The following SLC9A9 variants were observed in gnomAD, a reference collection of about 807,000 sequenced individuals.
The protein encoded by SLC9A9 is sodium/hydrogen exchanger 9.
SLC9A9 carries 62 observed loss-of-function variants against 77.8 expected under a neutral mutation model. The ratio of observed to expected loss-of-function variants is 0.80; its 90% CI spans 0.65 to 0.98. The LOEUF (loss-of-function observed/expected upper bound fraction) is 0.98, where lower values mean the gene tolerates loss of function less well. Ranked by LOEUF, SLC9A9 falls within the 50% of genes least tolerant of loss-of-function variation. The probability of loss-of-function intolerance (pLI) is 0.00; values close to 1 mark genes in which losing one functional copy is unlikely to be tolerated. For synonymous variants in SLC9A9, 320 were observed against 283.5 expected (o/e 1.13, Z -1.29); for missense variants, 775 against 774.9 (o/e 1.00, Z 0.00).
intron 8 of SLC9A9, among the ~76,000 whole-genome samples, chr3:143,567,917 T>C (rs1576581754): frequency 6.6e-6 from 1 of 152,202 alleles, no homozygotes; most frequent in African/African-American, 2.4e-5. Flanking sequence ...TATCCTAGCC[T>C]AGAGGCTGTG....
chr3:143,367,633 A>C (rs2032946945), intron 13 of SLC9A9, among the ~76,000 whole-genome samples: 1 of 152,176 alleles, frequency 6.6e-6, no homozygotes, highest in South Asian at 2.1e-4. Flanking sequence ...GGAACAGGGA[A>C]GGTATCTGAT....
At chr3:143,279,113 T>A (rs1317290374) in intron 14 of SLC9A9, among the ~76,000 whole-genome samples, 5 of 152,216 alleles carry the variant, frequency 3.3e-5, no homozygotes, top group African/African-American at 1.2e-4. Flanking sequence ...CCAAGTCAAT[T>A]TACTAATATA....
chr3:143,511,569 G>A (rs537788878), intron 9 of SLC9A9, among the ~76,000 whole-genome samples: 5 of 152,308 alleles, frequency 3.3e-5, no homozygotes, highest in Non-Finnish European at 5.9e-5. Flanking sequence ...ATTACAGCCC[G>A]TGTTAGGAGT....
intron 6 of SLC9A9, among the ~76,000 whole-genome samples, chr3:143,649,934 A>G (rs1313121780): frequency 2.0e-5 from 3 of 151,530 alleles, no homozygotes; most frequent in African/African-American, 4.8e-5. Flanking sequence ...GACACACTTC[A>G]AGTACATAGA....
intron 12 of SLC9A9, among the ~76,000 whole-genome samples, chr3:143,437,801 T>C (rs1163936994): frequency 1.3e-5 from 2 of 152,180 alleles, no homozygotes; most frequent in African/African-American, 4.8e-5. Flanking sequence ...ATAGCGCTTA[T>C]GAGTGTTCAT....
chr3:143,712,173 T>C (rs571997776), intron 4 of SLC9A9, among the ~76,000 whole-genome samples: 4 of 152,326 alleles, frequency 2.6e-5, no homozygotes, highest in Non-Finnish European at 4.4e-5. Flanking sequence ...TATTTACAGA[T>C]GGTTTCATGA....
intron 4 of SLC9A9, among the ~76,000 whole-genome samples, chr3:143,704,354 G>T (rs139975810): frequency 1.1e-4 from 16 of 152,090 alleles, no homozygotes; most frequent in Non-Finnish European, 2.2e-4. Flanking sequence ...ATTCAATAAC[G>T]CACTGAAAAC....
intron 14 of SLC9A9, among the ~76,000 whole-genome samples, chr3:143,270,965 G>GT (rs1210136210): frequency 2.0e-5 from 3 of 152,178 alleles, no homozygotes; most frequent in Admixed American, 6.5e-5. Flanking sequence ...TAATTCACAA[G>GT]TTTTAAATCG....
At chr3:143,642,419 T>C (rs2038639281) in intron 6 of SLC9A9, among the ~76,000 whole-genome samples, 1 of 152,228 alleles carries the variant, frequency 6.6e-6, no homozygotes, top group African/African-American at 2.4e-5. Context: ...CTCCTCTAGG[T>C]GGAGGCTTAA....
intron 9 of SLC9A9, among the ~76,000 whole-genome samples, chr3:143,529,040 C>T (rs528252467): frequency 1.7e-4 from 26 of 152,220 alleles, no homozygotes; most frequent in South Asian, 8.3e-4. Flanking sequence ...GGGACAGTGC[C>T]GGTGCCATGT....
At chr3:143,437,427 A>C (rs570464761) in intron 12 of SLC9A9, among the ~76,000 whole-genome samples, 146 of 152,344 alleles carry the variant, frequency 9.6e-4, no homozygotes, top group Non-Finnish European at 1.7e-3. Context: ...CAGGATGGCT[A>C]GAGGAAGTGG....
At chr3:143,675,940 A>G (rs1932869442) in intron 5 of SLC9A9, among the ~76,000 whole-genome samples, 1 of 152,090 alleles carries the variant, frequency 6.6e-6, no homozygotes. Context: ...CAATTTTACA[A>G]CGCAGTACAG....
intron 4 of SLC9A9, among the ~76,000 whole-genome samples, chr3:143,705,041 A>ATATATC (rs1553782495): frequency 1.7e-5 from 1 of 60,214 alleles, no homozygotes; most frequent in African/African-American, 6.9e-5. Flanking sequence ...CTATCTATCT[A>ATATATC]TATAGATATA....
chr3:143,745,496 C>T (rs539936616), intron 4 of SLC9A9, among the ~76,000 whole-genome samples: 1 of 152,204 alleles, frequency 6.6e-6, no homozygotes, highest in Non-Finnish European at 1.5e-5. Flanking sequence ...AAGAACAGAA[C>T]ACTAAAATCA....
At chr3:143,299,153 T>C (rs1400527287) in intron 14 of SLC9A9, among the ~76,000 whole-genome samples, 3 of 152,182 alleles carry the variant, frequency 2.0e-5, no homozygotes, top group Non-Finnish European at 1.5e-5. Context: ...GGAAAGAGCA[T>C]TTAAAATTTT....
At chr3:143,406,794 G>A (rs1239362360) in intron 12 of SLC9A9, among the ~76,000 whole-genome samples, 1 of 151,790 alleles carries the variant, frequency 6.6e-6, no homozygotes, top group Admixed American at 6.6e-5. Flanking sequence ...TGGCCAACAT[G>A]GCAAAACCCT....
intron 4 of SLC9A9, among the ~76,000 whole-genome samples, chr3:143,777,767 T>G (rs1408780172): frequency 6.7e-6 from 1 of 148,862 alleles, no homozygotes. Flanking sequence ...CAGGCTGGAG[T>G]GCAGTGGTGT....
Position 143,508,747 on chromosome 3 carries a change from C to T in SLC9A9, c.1090-13299G>A, listed in dbSNP as rs533955135. On this transcript the variant is annotated intron_variant, in intron 9 of 15. Transcript: ENST00000316549. The stretch of plus-strand genomic sequence containing the variant: ...CTAATTAAACTGATTTACTATTTAA[C>T]CTGACCAAATTCATTGCTCAACTTT... Among the ~76,000 whole-genome samples the T allele has an allele frequency of 1.5e-4, 23 of 152,268 alleles. No individual in the cohort carries two copies. The East Asian group carries it at 4.2e-3, about 28-fold the overall frequency.
intron 12 of SLC9A9, among the ~76,000 whole-genome samples, chr3:143,427,227 T>C (rs1170639589): frequency 6.6e-6 from 1 of 152,230 alleles, no homozygotes; most frequent in Non-Finnish European, 1.5e-5. Context: ...GGCAAAACTT[T>C]TGCTTGTGTA....
Sources: allele counts gnomAD v4.1 joint callset (sites outside exome capture counted in the v4.1 genomes callset), GRCh38; gene constraint gnomAD v4.1.1; transcripts MANE v1.5; gene names NCBI Gene and HGNC (gene_info 2026-07-23, HGNC 2026-07-21).